The following RIPOR3 variants were observed in gnomAD, a reference collection of about 807,000 sequenced individuals.
The protein encoded by RIPOR3 is family with sequence similarity 65 member C.
RIPOR3 carries 95 observed loss-of-function variants against 114.3 expected under a neutral mutation model. The observed-to-expected ratio is 0.83, with a 90% CI of 0.70 to 0.99. The LOEUF is 0.99. RIPOR3 is among the 50% of genes least tolerant of loss of function. RIPOR3 has a pLI of 0.00. For synonymous variants in RIPOR3, 575 were observed against 543.8 expected (o/e 1.06, Z -0.80); for missense variants, 1,252 against 1,266.9 (o/e 0.99, Z 0.18).
At position 50,620,051 on chromosome 20, in the gene RIPOR3, C is replaced by A. The variant is rs113703688; in HGVS notation, c.204G>T (p.Ser68=). The stretch of plus-strand genomic sequence containing the variant: ...GCTGGGGCTTCGGGTCTGCACAGAC[C>A]GACCCCTTCCGCAGCGTGCCGTACA... ...SKMYGTLRKG[S]VCADPKPQQV... is the part of the protein sequence containing the mutation. The change falls in exon 3 of 22, where the codon TCG becomes TCT. Residue 68 remains serine, a synonymous_variant. Transcript: ENST00000327979. 1 of 1,614,120 alleles carries A rather than the reference C, an allele frequency of 6.2e-7. No individual in the cohort carries two copies.
At chr20:50,628,782 AT>A (rs1444766444) in intron 2 of RIPOR3, among the ~76,000 whole-genome samples, 3 of 152,166 alleles carry the variant, frequency 2.0e-5, no homozygotes, top group African/African-American at 4.8e-5. Context: ...GTGAACAGGG[AT>A]TCCTAAGGTG....
At chr20:50,606,558 G>T (rs2083724011) in intron 11 of RIPOR3, among the ~76,000 whole-genome samples, 1 of 152,098 alleles carries the variant, frequency 6.6e-6, no homozygotes, top group Non-Finnish European at 1.5e-5. Context: ...CCCTCTATCT[G>T]CATAGGGCGC....
chr20:50,599,870 A>G (rs1007676954), intron 13 of RIPOR3, among the ~76,000 whole-genome samples: 1 of 151,976 alleles, frequency 6.6e-6, no homozygotes, highest in Non-Finnish European at 1.5e-5. Context: ...AATCATGTAT[A>G]TGTATGTGTG....
intron 1 of RIPOR3, among the ~76,000 whole-genome samples, chr20:50,642,841 G>C (rs1053484312): frequency 3.3e-5 from 5 of 152,068 alleles, no homozygotes; most frequent in African/African-American, 1.2e-4. Context: ...CTGAGGTCAG[G>C]AGTTCGAGAC....
intron 1 of RIPOR3, among the ~76,000 whole-genome samples, chr20:50,676,242 G>A (rs971850386): frequency 6.6e-6 from 1 of 152,206 alleles, no homozygotes; most frequent in Non-Finnish European, 1.5e-5. Flanking sequence ...CAGGGTGAAG[G>A]TTGCTGCCCT....
At chr20:50,671,330 C>T (rs1375095223) in intron 1 of RIPOR3, among the ~76,000 whole-genome samples, 2 of 152,102 alleles carry the variant, frequency 1.3e-5, no homozygotes, top group Non-Finnish European at 2.9e-5. Context: ...GCAAAAGGGA[C>T]AGGATGTCAC....
intron 1 of RIPOR3, among the ~76,000 whole-genome samples, chr20:50,655,669 C>CTGTGTGTGTGTGTGTGTG (rs11469999): frequency 4.1e-5 from 6 of 145,284 alleles, no homozygotes; most frequent in African/African-American, 1.5e-4. Context: ...TTAGCGTGGG[C>CTGTGTGTGTGTGTGTGTG]TGTGTGTGTG....
At chr20:50,626,208 A>G (rs1303285627) in intron 2 of RIPOR3, among the ~76,000 whole-genome samples, 1 of 152,268 alleles carries the variant, frequency 6.6e-6, no homozygotes, top group Non-Finnish European at 1.5e-5. Flanking sequence ...GAAGTTAAAA[A>G]TAGATGCACC....
intron 1 of RIPOR3, among the ~76,000 whole-genome samples, chr20:50,654,821 C>G (rs1279104230): frequency 1.3e-5 from 2 of 152,210 alleles, no homozygotes; most frequent in Non-Finnish European, 2.9e-5. Flanking sequence ...TCACCACTCA[C>G]TGCAGCCTCA....
Position 50,691,484 on chromosome 20 carries a change from C to G in RIPOR3, c.-356G>C. The G allele has an allele frequency of 4.6e-6, 1 of 217,826 alleles. No individual in the cohort carries two copies. The highest frequency in any genetic ancestry group is 9.4e-6 in the Non-Finnish European group (1 of 105,842). The allele number at this position is 217,826 out of a possible 1,614,324, so 13.5% of individuals were successfully genotyped here. On this transcript the variant is annotated 5_prime_UTR_variant, in exon 1 of 22. Coordinates refer to ENST00000327979, the MANE Select transcript of RIPOR3 (RefSeq NM_001290268.2). ...GCCCCCCAGCCGGCCCCGCTCCCCCCGGATGCCGCCTGCTGCTCTGGACGC... is the reference window on the plus strand; with the variant it reads ...GCCCCCCAGCCGGCCCCGCTCCCCCGGGATGCCGCCTGCTGCTCTGGACGC...
intron 1 of RIPOR3, among the ~76,000 whole-genome samples, chr20:50,650,372 T>G (rs1035849491): frequency 3.3e-5 from 5 of 152,066 alleles, no homozygotes; most frequent in Non-Finnish European, 7.4e-5. Context: ...GCGCAATCTC[T>G]GCTCACTGCA....
intron 4 of RIPOR3, 55 bp downstream of exon 4, chr20:50,615,947 C>A (rs1340681651): frequency 1.7e-5 from 26 of 1,530,498 alleles, no homozygotes; most frequent in Non-Finnish European, 2.3e-5. Flanking sequence ...CAGGGTTCAT[C>A]TTTTACTCCT....
At chr20:50,594,802 G>A (rs896214277) in intron 16 of RIPOR3, 88 bp from the exon 17 acceptor site, 1 of 1,465,474 alleles carries the variant, frequency 6.8e-7, no homozygotes, top group Admixed American at 2.0e-5. Context: ...TAGGACCTGA[G>A]GGGGTAGGGA....
chr20:50,677,215 C>T (rs1159387004), intron 1 of RIPOR3, among the ~76,000 whole-genome samples: 1 of 151,934 alleles, frequency 6.6e-6, no homozygotes. Flanking sequence ...TGCCTGTGGC[C>T]CAGACATTCC....
intron 1 of RIPOR3, among the ~76,000 whole-genome samples, chr20:50,677,140 T>C (rs2123575800): frequency 6.6e-6 from 1 of 152,278 alleles, no homozygotes; most frequent in South Asian, 2.1e-4. Context: ...AACTCAGTTC[T>C]GAGGGTGGAT....
At chr20:50,604,921 C>T in intron 11 of RIPOR3, 147 bp from the exon 12 acceptor site, 2 of 1,043,208 alleles carry the variant, frequency 1.9e-6, no homozygotes, top group Non-Finnish European at 2.7e-6. Context: ...GAGCTCTGCT[C>T]TAAACTGTTG....
intron 1 of RIPOR3, chr20:50,653,879 C>A (rs1216030914): frequency 6.6e-6 from 1 of 152,060 alleles, no homozygotes; most frequent in Non-Finnish European, 1.5e-5. Context: ...GCTGAAAGAT[C>A]ATTGAAAAGG....
chr20:50,686,546 C>T (rs73615324), intron 1 of RIPOR3, among the ~76,000 whole-genome samples: 3 of 151,710 alleles, frequency 2.0e-5, no homozygotes, highest in African/African-American at 2.4e-5. Flanking sequence ...GTCAGGAGTT[C>T]GAGACCAGCC....
intron 2 of RIPOR3, among the ~76,000 whole-genome samples, chr20:50,623,197 T>C (rs2123186230): frequency 6.7e-6 from 1 of 148,890 alleles, no homozygotes; most frequent in East Asian, 2.0e-4. Context: ...GAGGCAGAGG[T>C]TGCAGTGAGC....
Sources: allele counts gnomAD v4.1 joint callset (sites outside exome capture counted in the v4.1 genomes callset), GRCh38; gene constraint gnomAD v4.1.1; transcripts MANE v1.5; gene names NCBI Gene and HGNC (gene_info 2026-07-23, HGNC 2026-07-21).